TLK1: variants seen among roughly 807,000 people sequenced by gnomAD.
The protein encoded by TLK1 is serine/threonine-protein kinase tousled-like 1.
Under a neutral mutation model 105.3 loss-of-function variants are expected in TLK1, and 24 were observed. That is an observed-to-expected ratio of 0.23 (90% CI 0.17 to 0.32). The LOEUF is 0.32. Ranked by LOEUF, TLK1 falls within the 10% of genes least tolerant of loss-of-function variation. TLK1 has a pLI of 1.00. For synonymous variants in TLK1, 321 were observed against 310.4 expected (o/e 1.03, Z -0.36); for missense variants, 558 against 910.5 (o/e 0.61, Z 4.98).
chr2:171,222,418 A>C (rs1053209663), intron 1 of TLK1, among the ~76,000 whole-genome samples: 1 of 152,026 alleles, frequency 6.6e-6, no homozygotes, highest in East Asian at 1.9e-4. Flanking sequence ...CAGTGTTGAC[A>C]TCCCCAGGCT....
intron 1 of TLK1, among the ~76,000 whole-genome samples, chr2:171,213,124 T>C (rs537396832): frequency 1.3e-5 from 2 of 152,208 alleles, no homozygotes; most frequent in African/African-American, 4.8e-5. Flanking sequence ...CAAAAGGTTT[T>C]GCTAATGGGT....
At chr2:171,000,463 A>ATTTTATTTTATATGCTGTATTATAT (rs1684309403) in intron 18 of TLK1, among the ~76,000 whole-genome samples, 40 of 152,040 alleles carry the variant, frequency 2.6e-4, no homozygotes, top group Admixed American at 2.6e-3. Context: ...ACAGTTAATT[A>ATTTTATTTTATATGCTGTATTATAT]ATACATATTT....
chr2:171,112,037 C>T lies in TLK1; in HGVS notation c.258+5702G>A, dbSNP rs180716118. On this transcript the variant is annotated intron_variant, in intron 2 of 20. Transcript: ENST00000431350. ...CATGACCCTGGCGCACTGCAACCTC[C>T]GCCTGCCGAGTTCAAGCAATTCTCC... Among the ~76,000 whole-genome samples, 72 of 152,244 alleles carry T rather than the reference C, an allele frequency of 4.7e-4. 1 individual carries two copies. In the East Asian group the frequency reaches 5.8e-3, roughly 12 times the overall value.
At chr2:171,151,665 C>G (rs535245722) in intron 1 of TLK1, among the ~76,000 whole-genome samples, 1 of 151,434 alleles carries the variant, frequency 6.6e-6, no homozygotes, top group South Asian at 2.1e-4. Context: ...TTAGTAGAGA[C>G]AGGGTTTCAC....
At chr2:171,084,810 C>A (rs1311923890) in intron 2 of TLK1, among the ~76,000 whole-genome samples, 1 of 151,948 alleles carries the variant, frequency 6.6e-6, no homozygotes, top group East Asian at 1.9e-4. Flanking sequence ...TTTCAAAAAA[C>A]TCGGAAATAA....
chr2:171,022,731 TAA>T (rs1051626643), intron 12 of TLK1: 1 of 179,204 alleles, frequency 5.6e-6, no homozygotes, highest in African/African-American at 2.4e-5. Context: ...CATTCAAACC[TAA>T]AGTGACAAAA....
intron 1 of TLK1, among the ~76,000 whole-genome samples, chr2:171,191,568 A>G (rs1256637373): frequency 6.6e-6 from 1 of 152,066 alleles, no homozygotes; most frequent in East Asian, 1.9e-4. Flanking sequence ...CCTGAGCCAC[A>G]CCCTGAATTC....
chr2:171,066,738 C>G lies in TLK1; in HGVS notation c.331-5582G>C, dbSNP rs543471009. On this transcript the variant is annotated intron_variant, in intron 3 of 20. Transcript: ENST00000431350. The stretch of plus-strand genomic sequence containing the variant: ...TCTTATCACTTACGTAGTCTATTTC[C>G]TGGCACTTTCCCTTCTCTGGCTATC... 7.4e-4 allele frequency: 895 copies of G among 1,203,866 alleles called. 1 individual carries two copies. Among genetic ancestry groups the G allele is most frequent in the Non-Finnish European group, 9.8e-4 (847 of 866,806 alleles). The allele number at this position is 1,203,866 out of a possible 1,614,324, so 74.6% of individuals were successfully genotyped here.
chr2:171,097,728 A>G (rs1374919442), intron 2 of TLK1, among the ~76,000 whole-genome samples: 1 of 152,208 alleles, frequency 6.6e-6, no homozygotes, highest in African/African-American at 2.4e-5. Context: ...AATTGAGACC[A>G]GCCTGGCCAA....
At chr2:171,092,305 T>C (rs1007304157) in intron 2 of TLK1, among the ~76,000 whole-genome samples, 4 of 152,202 alleles carry the variant, frequency 2.6e-5, no homozygotes, top group Admixed American at 1.3e-4. Flanking sequence ...GTCAAATGTC[T>C]TAAAGAAGAC....
chr2:171,051,127 T>G (rs1687217768), intron 8 of TLK1, among the ~76,000 whole-genome samples: 1 of 152,118 alleles, frequency 6.6e-6, no homozygotes, highest in African/African-American at 2.4e-5. Flanking sequence ...AAACAAAATC[T>G]CAACACTGTG....
At chr2:171,227,445 G>A (rs577751255) in intron 1 of TLK1, among the ~76,000 whole-genome samples, 2 of 152,236 alleles carry the variant, frequency 1.3e-5, no homozygotes, top group South Asian at 2.1e-4. Context: ...ATCCATGCAG[G>A]AGAAAGCATG....
At chr2:171,149,775 G>A (rs1328876027) in intron 1 of TLK1, among the ~76,000 whole-genome samples, 3 of 151,972 alleles carry the variant, frequency 2.0e-5, no homozygotes, top group Admixed American at 6.6e-5. Flanking sequence ...ATATGGTGGC[G>A]TGCACCTGTA....
At chr2:171,163,908 TA>T (rs1484372716), upstream of TLK1, among the ~76,000 whole-genome samples, 1 of 152,144 alleles carries the variant, frequency 6.6e-6, no homozygotes, top group East Asian at 1.9e-4. Context: ...TGTATTTTAG[TA>T]GAGATGGGGT....
At chr2:171,076,794 G>T (rs1346330784) in intron 3 of TLK1, among the ~76,000 whole-genome samples, 1 of 151,216 alleles carries the variant, frequency 6.6e-6, no homozygotes, top group African/African-American at 2.4e-5. Flanking sequence ...GGCGCTTGTA[G>T]TCCCAGCTAC....
intron 1 of TLK1, among the ~76,000 whole-genome samples, chr2:171,128,699 AC>A: frequency 6.6e-6 from 1 of 152,260 alleles, no homozygotes; most frequent in East Asian, 1.9e-4. Flanking sequence ...CAAACTTGTG[AC>A]AATCTGCTAT....
At chr2:171,230,487 G>C (rs888651585) in intron 1 of TLK1, among the ~76,000 whole-genome samples, 1 of 152,134 alleles carries the variant, frequency 6.6e-6, no homozygotes, top group Non-Finnish European at 1.5e-5. Flanking sequence ...ATCCGCAAGA[G>C]AATACAGTTT....
At chr2:171,167,427 A>G (rs1692629531) in intron 1 of TLK1, among the ~76,000 whole-genome samples, 1 of 152,150 alleles carries the variant, frequency 6.6e-6, no homozygotes, top group Non-Finnish European at 1.5e-5. Context: ...CGCCCCCTCA[A>G]TAGTTTTTTT....
intron 18 of TLK1, among the ~76,000 whole-genome samples, chr2:170,998,232 T>C (rs190451414): frequency 1.3e-5 from 2 of 152,270 alleles, no homozygotes; most frequent in East Asian, 3.9e-4. Context: ...TGTAGGCACT[T>C]CTCTCCCTAA....
Sources: allele counts gnomAD v4.1 joint callset (sites outside exome capture counted in the v4.1 genomes callset), GRCh38; gene constraint gnomAD v4.1.1; transcripts MANE v1.5; gene names NCBI Gene and HGNC (gene_info 2026-07-23, HGNC 2026-07-21).